Variants in TNRC6B observed in about 807,000 individuals in gnomAD.
TNRC6B encodes the protein trinucleotide repeat-containing gene 6B protein.
In TNRC6B, 52 loss-of-function variants were observed where a neutral mutation model predicts 203.6. The observed-to-expected ratio is 0.26, with a 90% CI of 0.20 to 0.32. TNRC6B has a LOEUF of 0.32. Ranked by LOEUF, TNRC6B falls within the 10% of genes least tolerant of loss-of-function variation. TNRC6B has a pLI of 1.00. For synonymous variants in TNRC6B, 838 were observed against 845.7 expected (o/e 0.99, Z 0.16); for missense variants, 1,923 against 2,286.2 (o/e 0.84, Z 3.24).
At position 40,252,220 on chromosome 22, in the gene TNRC6B, A is replaced by C. The variant is rs149870950; in HGVS notation, c.115+1020A>C. Among the ~76,000 whole-genome samples, 713 of 152,356 alleles carry C rather than the reference A, an allele frequency of 4.7e-3. 6 individuals carry two copies. The highest frequency in any genetic ancestry group is 7.0e-3 in the Non-Finnish European group (473 of 68,032). On this transcript the variant is annotated intron_variant, in intron 3 of 22. Coordinates refer to ENST00000454349, the MANE Select transcript of TNRC6B (RefSeq NM_001162501.2). ...TTAGGTATGCATAAGAATCATTTGC[A>C]TAAAATCGTCAAAATATGCAGTCCC...
At chr22:40,213,782 G>T (rs2069595592) in intron 1 of TNRC6B, among the ~76,000 whole-genome samples, 2 of 152,082 alleles carry the variant, frequency 1.3e-5, no homozygotes, top group Admixed American at 1.3e-4. Flanking sequence ...TGCTTTTGGG[G>T]GAAGTCTTTA....
intron 1 of TNRC6B, among the ~76,000 whole-genome samples, chr22:40,053,174 A>C (rs549952914): frequency 1.3e-4 from 20 of 152,216 alleles, no homozygotes; most frequent in African/African-American, 4.1e-4. Flanking sequence ...AAAAAAAAAA[A>C]AAAACTATGT....
At chr22:40,104,940 T>G (rs2068270304) in intron 1 of TNRC6B, among the ~76,000 whole-genome samples, 1 of 152,186 alleles carries the variant, frequency 6.6e-6, no homozygotes, top group Non-Finnish European at 1.5e-5. Context: ...CTGGAGTCTG[T>G]CTCCTGAAAA....
chr22:40,127,870 CA>C (rs947466771), intron 3 of TNRC6B, among the ~76,000 whole-genome samples: 6 of 150,986 alleles, frequency 4.0e-5, no homozygotes, highest in African/African-American at 1.5e-4. Context: ...GACCCTGCCT[CA>C]AAAAAAAGGA....
At chr22:40,208,100 G>A in intron 1 of TNRC6B, among the ~76,000 whole-genome samples, 1 of 138,698 alleles carries the variant, frequency 7.2e-6, no homozygotes. Context: ...CAATAGAGTG[G>A]GACTCCATCT....
intron 12 of TNRC6B, among the ~76,000 whole-genome samples, chr22:40,299,224 C>T (rs1279197033): frequency 6.7e-6 from 1 of 149,344 alleles, no homozygotes; most frequent in African/African-American, 2.4e-5. Flanking sequence ...AGGCAGTCTG[C>T]CTCTAGAACT....
chr22:40,126,480 T>C (rs1383835433), intron 3 of TNRC6B, among the ~76,000 whole-genome samples: 3 of 151,932 alleles, frequency 2.0e-5, no homozygotes, highest in Non-Finnish European at 4.4e-5. Flanking sequence ...CTCCCACTTA[T>C]AAGTGAGAAC....
chr22:40,170,782 CATATATGTGTGTATATAT>C (rs2068978751), intron 4 of TNRC6B, among the ~76,000 whole-genome samples: 1 of 68,880 alleles, frequency 1.5e-5, no homozygotes. Context: ...CATATATGTA[CATATATGTGTGTATATAT>C]ACATATATGT....
At position 40,142,734 on chromosome 22, in the gene TNRC6B, A is replaced by G. The variant is rs189530351; in HGVS notation, c.46-13381A>G. ...TCAAGCACATTGTCCATACACTGCT[A>G]TTATACTGGTCTTGCCCATCCTATA... is the stretch of plus-strand genomic sequence containing the variant. On this transcript the variant is annotated intron_variant, in intron 3 of 23. Coordinates refer to the TNRC6B transcript ENST00000301923. 1.4e-3 allele frequency among the ~76,000 whole-genome samples: 206 copies of G among 152,312 alleles called. 2 individuals carry two copies. Among genetic ancestry groups the G allele is most frequent in the Admixed American group, 3.1e-3 (48 of 15,290 alleles).
rs1413056576 is a variant in TNRC6B, at chr22:40,099,900, G to A, written c.-120-17155G>A. 2.6e-5 allele frequency among the ~76,000 whole-genome samples: 4 copies of A among 151,856 alleles called. No homozygotes were observed. In the East Asian group the frequency reaches 5.8e-4, roughly 22 times the overall value. On this transcript the variant is annotated intron_variant, in intron 1 of 23. Transcript: ENST00000301923. ...CGAGTAGCTGGGACTACAGGCGCCC[G>A]CCACCATGCCTGGCTAATTTTTTTG... is the stretch of plus-strand genomic sequence containing the variant.
At chr22:40,310,717 A>T in intron 16 of TNRC6B, 100 bp from the exon 17 acceptor site, 1 of 1,241,494 alleles carries the variant, frequency 8.1e-7, no homozygotes. Flanking sequence ...TATATACTCC[A>T]TCAGCTTCAG....
At chr22:40,106,564 A>C in intron 1 of TNRC6B, 1 of 730,028 alleles carries the variant, frequency 1.4e-6, no homozygotes, top group Non-Finnish European at 2.5e-6. Flanking sequence ...CTGTCAAAGC[A>C]ATTCGCTTCT....
upstream of TNRC6B, among the ~76,000 whole-genome samples, chr22:40,176,122 CTT>C (rs984617603): frequency 8.3e-5 from 11 of 131,960 alleles, no homozygotes; most frequent in African/African-American, 1.1e-4. Context: ...TTCTCATGCA[CTT>C]TTTTTTTTTT....
At chr22:40,192,018 C>T (rs928998698) in intron 1 of TNRC6B, among the ~76,000 whole-genome samples, 4 of 152,146 alleles carry the variant, frequency 2.6e-5, no homozygotes, top group Middle Eastern at 3.2e-3. Context: ...CGTGAGCCAC[C>T]GCGCCCAGCC....
intron 1 of TNRC6B, among the ~76,000 whole-genome samples, chr22:40,086,061 G>T (rs2068097803): frequency 6.6e-6 from 1 of 152,032 alleles, no homozygotes; most frequent in Non-Finnish European, 1.5e-5. Context: ...TGTAGAGACG[G>T]GGTCTTGCCA....
chr22:40,281,414 T>A, intron 11 of TNRC6B, 125 bp downstream of exon 11: 1 of 732,536 alleles, frequency 1.4e-6, no homozygotes, highest in Non-Finnish European at 2.0e-6. Flanking sequence ...AGAATGATAT[T>A]AAGTGTAGGT....
intron 1 of TNRC6B, among the ~76,000 whole-genome samples, chr22:40,193,749 T>G (rs1460205274): frequency 6.6e-6 from 1 of 152,152 alleles, no homozygotes; most frequent in African/African-American, 2.4e-5. Context: ...GAGGGAGTTC[T>G]CCTGGGAAGC....
intron 1 of TNRC6B, among the ~76,000 whole-genome samples, chr22:40,067,864 C>T (rs151186808): frequency 6.6e-6 from 1 of 152,284 alleles, no homozygotes; most frequent in East Asian, 1.9e-4. Context: ...CCCTCCCAGG[C>T]ACACCCAGAA....
chr22:40,217,229 C>G (rs1367981801), intron 1 of TNRC6B, among the ~76,000 whole-genome samples: 2 of 152,166 alleles, frequency 1.3e-5, no homozygotes, highest in Non-Finnish European at 2.9e-5. Flanking sequence ...GTAGAGACTA[C>G]TTCTTAACAC....
Sources: gnomAD v4.1 joint callset for allele counts (sites outside exome capture counted in the v4.1 genomes callset) on GRCh38, gnomAD v4.1.1 for gene constraint, MANE v1.5 for transcripts, NCBI Gene and HGNC (gene_info 2026-07-23, HGNC 2026-07-21) for gene names.